The following IL1RL1 variants were observed in gnomAD, a reference collection of about 807,000 sequenced individuals.
IL1RL1 encodes the protein interleukin 1 receptor like 1, also known as interleukin-1 receptor-like 1.
IL1RL1 carries 32 observed loss-of-function variants against 50.9 expected under a neutral mutation model. The ratio of observed to expected loss-of-function variants is 0.63; its 90% CI spans 0.47 to 0.84. The LOEUF is 0.84. IL1RL1 is among the 40% of genes least tolerant of loss of function. IL1RL1 has a pLI of 0.00. For synonymous variants in IL1RL1, 275 were observed against 236.0 expected (o/e 1.17, Z -1.51); for missense variants, 773 against 662.9 (o/e 1.17, Z -1.82).
chr2:102,332,511 A>G (rs1677204039), intron 1 of IL1RL1, among the ~76,000 whole-genome samples: 3 of 152,232 alleles, frequency 2.0e-5, no homozygotes, highest in African/African-American at 7.2e-5. Flanking sequence ...TACAATATGA[A>G]CAAAACTTGG....
chr2:102,330,640 T>C (rs73002494), intron 1 of IL1RL1, among the ~76,000 whole-genome samples: 4,233 of 152,296 alleles, frequency 0.028, 175 homozygotes, highest in African/African-American at 0.096. Flanking sequence ...ATTTTAAAAA[T>C]TGGGCTATTT....
intron 5 of IL1RL1, chr2:102,341,274 A>G: frequency 7.2e-6 from 9 of 1,252,212 alleles, no homozygotes; most frequent in Non-Finnish European, 8.2e-6. Context: ...AGGCTTTGTG[A>G]TGGTATACTA....
chr2:102,320,631 C>T (rs892684271), intron 1 of IL1RL1, among the ~76,000 whole-genome samples: 15 of 152,108 alleles, frequency 9.9e-5, no homozygotes, highest in Admixed American at 6.5e-5. Flanking sequence ...TACCACCTGC[C>T]ATTTCCTAAT....
intron 1 of IL1RL1, among the ~76,000 whole-genome samples, chr2:102,316,505 G>C (rs1185697643): frequency 6.6e-6 from 1 of 152,118 alleles, no homozygotes; most frequent in Non-Finnish European, 1.5e-5. Context: ...TTCAGAGAAG[G>C]GGAGAACAAG....
intron 1 of IL1RL1, chr2:102,313,396 C>G (rs1307900578): frequency 6.6e-6 from 1 of 152,138 alleles, no homozygotes; most frequent in Non-Finnish European, 1.5e-5. Context: ...GGATCCCCAG[C>G]AGGATCTGGG....
chr2:102,347,978 T>C lies in IL1RL1; in HGVS notation c.1004T>C (p.Val335Ala). ...DHHSIYCIIA[V>A]CSVFLMLINV... ...CATAGCATCTACTGCATAATTGCAGTATGTAGTGTATTTTTAATGCTAATC... is the reference window on the plus strand; with the variant it reads ...CATAGCATCTACTGCATAATTGCAGCATGTAGTGTATTTTTAATGCTAATC... The change falls in exon 9 of 11, where the codon GTA (valine) becomes GCA (alanine). Residue 335 changes from valine to alanine, a missense_variant. Coordinates refer to ENST00000233954, the MANE Select transcript of IL1RL1 (RefSeq NM_016232.5). 6.4e-7 allele frequency: 1 copy of C among 1,554,770 alleles called. No homozygotes were observed. Among genetic ancestry groups the C allele is most frequent in the Non-Finnish European group, 8.9e-7 (1 of 1,125,972 alleles).
At chr2:102,318,561 A>G (rs1676745337) in intron 1 of IL1RL1, among the ~76,000 whole-genome samples, 1 of 152,214 alleles carries the variant, frequency 6.6e-6, no homozygotes, top group Non-Finnish European at 1.5e-5. Flanking sequence ...CCTGAAGTTC[A>G]GGGGAAAAGT....
At chr2:102,330,898 T>A (rs1484751879) in intron 1 of IL1RL1, among the ~76,000 whole-genome samples, 1 of 152,238 alleles carries the variant, frequency 6.6e-6, no homozygotes, top group East Asian at 1.9e-4. Flanking sequence ...AGATGTTCTG[T>A]TATGTAATAC....
At chr2:102,346,900 A>T (rs1677800513) in intron 8 of IL1RL1, among the ~76,000 whole-genome samples, 1 of 152,232 alleles carries the variant, frequency 6.6e-6, no homozygotes, top group East Asian at 1.9e-4. Flanking sequence ...CCGTATCAGC[A>T]AATCTCATTT....
At chr2:102,318,731 A>G (rs1676749409) in intron 1 of IL1RL1, among the ~76,000 whole-genome samples, 1 of 152,202 alleles carries the variant, frequency 6.6e-6, no homozygotes. Context: ...GATGTGAAGC[A>G]GTAGCCTGTG....
In IL1RL1 at chr2:102,340,071, T is replaced by C. The variant is rs776429698; in HGVS notation, c.273-27T>C. 3 of 1,403,606 alleles carry C rather than the reference T, an allele frequency of 2.1e-6. No individual in the cohort carries two copies. In the South Asian group the frequency reaches 4.8e-5, roughly 23 times the overall value. The allele number at this position is 1,403,606 out of a possible 1,614,324, so 86.9% of individuals were successfully genotyped here. ...GTTATTTCACAATGCTAAGTGACTC[T>C]TTTAATTGTCTGACTTATTTTAACA... On this transcript the variant is annotated intron_variant, in intron 3 of 10. Coordinates refer to ENST00000233954, the MANE Select transcript of IL1RL1 (RefSeq NM_016232.5).
At chr2:102,345,378 T>A (rs1179651484) in intron 8 of IL1RL1, 1 of 985,300 alleles carries the variant, frequency 1.0e-6, no homozygotes, top group Non-Finnish European at 1.2e-6. Context: ...AAGCATTGTA[T>A]CCCGTATAAA....
At chr2:102,344,666 C>A in intron 8 of IL1RL1, 1 of 637,236 alleles carries the variant, frequency 1.6e-6, no homozygotes, top group Non-Finnish European at 2.0e-6. Context: ...CAATACCTGG[C>A]AGCTAGCCAG....
chr2:102,342,118 T>C, intron 5 of IL1RL1, 105 bp from the exon 6 acceptor site: 1 of 707,322 alleles, frequency 1.4e-6, no homozygotes, highest in South Asian at 1.7e-5. Context: ...TCAGAAGAAC[T>C]TGAAAAACAT....
At position 102,343,470 on chromosome 2, in the gene IL1RL1, C is replaced by T. The variant is rs1413712936; in HGVS notation, c.970+55C>T. ...CTGAACTTTCTCTAGCAAGTGTAAG[C>T]AGAATGGAGTGTGGTTCCAAGAGAT... On this transcript the variant is annotated intron_variant, in intron 8 of 10. Transcript: ENST00000233954. 4 of 1,613,782 alleles carry T rather than the reference C, an allele frequency of 2.5e-6. No homozygotes were observed. In the East Asian group the frequency reaches 6.7e-5, roughly 27 times the overall value.
chr2:102,322,105 C>T (rs574097636), intron 1 of IL1RL1, among the ~76,000 whole-genome samples: 1 of 152,276 alleles, frequency 6.6e-6, no homozygotes, highest in South Asian at 2.1e-4. Flanking sequence ...ACAAGGCAGG[C>T]TGGCAGACTG....
chr2:102,341,365 A>C (rs1420430825), intron 5 of IL1RL1: 1 of 1,186,658 alleles, frequency 8.4e-7, no homozygotes, highest in South Asian at 1.6e-5. Flanking sequence ...TGAGTAAGTC[A>C]CTTCATTCTA....
At chr2:102,313,045 G>A (rs1416365297) in intron 1 of IL1RL1, 1 of 151,980 alleles carries the variant, frequency 6.6e-6, no homozygotes, top group Non-Finnish European at 1.5e-5. Context: ...ATTCCATGCA[G>A]AGGTTTGGAG....
intron 1 of IL1RL1, among the ~76,000 whole-genome samples, chr2:102,312,631 T>A (rs992487226): frequency 1.3e-5 from 2 of 151,934 alleles, no homozygotes; most frequent in Admixed American, 1.3e-4. Context: ...GTCATACCCA[T>A]CTGCAAGAAG....
Sources: allele counts gnomAD v4.1 joint callset (sites outside exome capture counted in the v4.1 genomes callset), GRCh38; gene constraint gnomAD v4.1.1; transcripts MANE v1.5; gene names NCBI Gene and HGNC (gene_info 2026-07-23, HGNC 2026-07-21).